SORCS3: variants seen among roughly 807,000 people sequenced by gnomAD.
The protein encoded by SORCS3 is VPS10 domain-containing receptor SorCS3.
In SORCS3, 57 loss-of-function variants were observed where a neutral mutation model predicts 146.3. The ratio of observed to expected loss-of-function variants is 0.39; its 90% CI spans 0.31 to 0.49. The LOEUF is 0.49. Among genes scored for constraint, SORCS3 ranks in the 20% least tolerant of loss-of-function variants. The probability of loss-of-function intolerance (pLI) is 0.92; values close to 1 mark genes in which losing one functional copy is unlikely to be tolerated. For synonymous variants in SORCS3, 653 were observed against 618.5 expected, an observed-to-expected ratio of 1.06 and a Z score of -0.83; for missense variants, 1,341 against 1,575.5, an observed-to-expected ratio of 0.85 and a Z score of 2.52.
At chr10:105,252,694 G>A in intron 22 of SORCS3, 81 bp from the exon 23 acceptor site, 1 of 1,561,724 alleles carries the variant, frequency 6.4e-7, no homozygotes, top group Non-Finnish European at 8.7e-7. Context: ...GAGCCATCTG[G>A]CTGTGCACAC....
At chr10:104,782,872 G>A (rs1367164950) in intron 1 of SORCS3, among the ~76,000 whole-genome samples, 1 of 152,214 alleles carries the variant, frequency 6.6e-6, no homozygotes, top group African/African-American at 2.4e-5. Flanking sequence ...AGATTAAGGT[G>A]ATGGTCAAGT....
chr10:105,003,695 G>C (rs1454044241), intron 4 of SORCS3, among the ~76,000 whole-genome samples: 2 of 152,154 alleles, frequency 1.3e-5, no homozygotes, highest in South Asian at 4.1e-4. Context: ...TGTTGAAGCA[G>C]GGAACTTGAC....
At chr10:104,765,026 C>G (rs2017163303) in intron 1 of SORCS3, among the ~76,000 whole-genome samples, 1 of 152,146 alleles carries the variant, frequency 6.6e-6, no homozygotes, top group Non-Finnish European at 1.5e-5. Context: ...TGGGCTGGTC[C>G]CTAGAGCTGG....
intron 9 of SORCS3, among the ~76,000 whole-genome samples, chr10:105,149,574 G>A (rs1355527044): frequency 3.3e-5 from 5 of 152,120 alleles, no homozygotes; most frequent in Admixed American, 1.3e-4. Context: ...TGAGGGTTTG[G>A]ATTAATGTTC....
chr10:105,007,734 G>A (rs2055105886), intron 4 of SORCS3, among the ~76,000 whole-genome samples: 1 of 151,980 alleles, frequency 6.6e-6, no homozygotes, highest in Non-Finnish European at 1.5e-5. Context: ...GGTAGTCATT[G>A]GTTAGTTAGT....
chr10:104,696,088 TATATA>T (rs1482239936), intron 1 of SORCS3, among the ~76,000 whole-genome samples: 2 of 21,030 alleles, frequency 9.5e-5, no homozygotes, highest in African/African-American at 2.8e-4. Context: ...CATATACACA[TATATA>T]ATATATCATA....
chr10:104,889,816 A>C (rs1051000174), intron 2 of SORCS3, among the ~76,000 whole-genome samples: 2 of 152,160 alleles, frequency 1.3e-5, no homozygotes, highest in African/African-American at 2.4e-5. Flanking sequence ...TTTTGCGTAG[A>C]TACATATTTC....
Position 105,262,374 on chromosome 10 carries a change from A to G in SORCS3, c.3487A>G (p.Lys1163Glu). Reference sequence around the variant, plus strand: ...CATCTATGCTCAAGTCCAACACGACAAGGAGCAGGAGATGATTGGGTCAGT... The same window carrying G: ...CATCTATGCTCAAGTCCAACACGACGAGGAGCAGGAGATGATTGGGTCAGT... ...INIYAQVQHD[K>E]EQEMIGSVSQ... Residue 1163 changes from lysine to glutamate, a missense_variant, in exon 26 of 27, where the codon AAG becomes GAG. Physicochemically the swap from Lys to Glu is moderately conservative, Grantham distance 56 (BLOSUM62 1). Coordinates refer to ENST00000369701, the MANE Select transcript of SORCS3 (RefSeq NM_014978.3). The G allele has an allele frequency of 6.2e-7, 1 of 1,613,990 alleles. No individual in the cohort carries two copies. Among genetic ancestry groups the G allele is most frequent in the Non-Finnish European group, 8.5e-7 (1 of 1,179,894 alleles).
chr10:105,173,031 C>A (rs1353468778), intron 13 of SORCS3, among the ~76,000 whole-genome samples: 1 of 152,080 alleles, frequency 6.6e-6, no homozygotes, highest in East Asian at 1.9e-4. Flanking sequence ...TCCAAATTTA[C>A]ATCCCTAATT....
At chr10:104,648,222 T>C (rs1270209134) in intron 1 of SORCS3, among the ~76,000 whole-genome samples, 2 of 152,210 alleles carry the variant, frequency 1.3e-5, no homozygotes, top group Non-Finnish European at 2.9e-5. Flanking sequence ...GGAAGTGCAC[T>C]TGGGAATTGT....
chr10:104,722,966 G>A (rs1304927969), intron 1 of SORCS3, among the ~76,000 whole-genome samples: 1 of 152,018 alleles, frequency 6.6e-6, no homozygotes, highest in Non-Finnish European at 1.5e-5. Flanking sequence ...GGTTTTTTGT[G>A]TCTCTATTTC....
rs144771628 is a variant in SORCS3 at position 104,660,619 on chromosome 10, CT to C, written c.627+18674del. ...CTAATACTGGTCCTTTGTGTCTTCA[CT>C]TTTTTTTTCTGAGCCCTTCACATTT... is the stretch of plus-strand genomic sequence containing the variant. On this transcript the variant is annotated intron_variant, in intron 1 of 26. Transcript: ENST00000369701. Among the ~76,000 whole-genome samples, 7 of 151,798 alleles carry C rather than the reference CT, an allele frequency of 4.6e-5. No homozygotes were observed. The East Asian group carries it at 7.8e-4, about 17-fold the overall frequency.
intron 3 of SORCS3, among the ~76,000 whole-genome samples, chr10:104,956,937 ACACAG>A (rs1480631029): frequency 6.6e-6 from 1 of 152,146 alleles, no homozygotes; most frequent in Non-Finnish European, 1.5e-5. Context: ...GGATCCGATG[ACACAG>A]CTCTGGTTGA....
At chr10:105,012,120 C>G (rs1284849333) in intron 4 of SORCS3, among the ~76,000 whole-genome samples, 2 of 152,148 alleles carry the variant, frequency 1.3e-5, no homozygotes, top group African/African-American at 4.8e-5. Flanking sequence ...GCATTGACAT[C>G]TAGAGCATGA....
intron 4 of SORCS3, among the ~76,000 whole-genome samples, chr10:104,995,647 T>C (rs921302276): frequency 6.6e-6 from 1 of 152,218 alleles, no homozygotes; most frequent in African/African-American, 2.4e-5. Flanking sequence ...TGTTTCTATA[T>C]TCTGGATAAA....
chr10:105,217,185 A>G, intron 19 of SORCS3, 63 bp downstream of exon 19: 2 of 1,554,530 alleles, frequency 1.3e-6, no homozygotes, highest in Non-Finnish European at 1.8e-6. Flanking sequence ...CTCTGTTCAG[A>G]CTTCCTAAAA....
chr10:104,993,551 A>G (rs61867174), intron 4 of SORCS3, among the ~76,000 whole-genome samples: 6,189 of 152,278 alleles, frequency 0.041, 228 homozygotes, highest in Non-Finnish European at 0.05. Flanking sequence ...AAATATGATC[A>G]TGTCAATATT....
Position 105,246,327 on chromosome 10 carries a change from T to C in SORCS3, c.2992+662T>C, listed in dbSNP as rs2046391. 5.7e-3 allele frequency among the ~76,000 whole-genome samples: 862 copies of C among 152,318 alleles called. 25 individuals are homozygous for C. Among genetic ancestry groups the C allele is most frequent in the Admixed American group, 0.046 (703 of 15,302 alleles). On this transcript the variant is annotated intron_variant, in intron 21 of 26. Coordinates refer to ENST00000369701, the MANE Select transcript of SORCS3 (RefSeq NM_014978.3). ...CTGTGGTTTTCTTTTCTTTTCTTTTTTTTTAGATTTTTCATTACTAGTTTG... is the reference window on the plus strand; with the variant it reads ...CTGTGGTTTTCTTTTCTTTTCTTTTCTTTTAGATTTTTCATTACTAGTTTG...
intron 1 of SORCS3, among the ~76,000 whole-genome samples, chr10:104,752,440 G>A (rs2016999637): frequency 6.6e-6 from 1 of 152,186 alleles, no homozygotes; most frequent in South Asian, 2.1e-4. Context: ...GGCAAACTTG[G>A]CAAGGGAGGG....
Sources: allele counts gnomAD v4.1 joint callset (sites outside exome capture counted in the v4.1 genomes callset), GRCh38; gene constraint gnomAD v4.1.1; transcripts MANE v1.5; gene names NCBI Gene and HGNC (gene_info 2026-07-23, HGNC 2026-07-21).